Variants in AIM2 observed in about 807,000 individuals in gnomAD.
AIM2 encodes the protein interferon-inducible protein AIM2.
Under a neutral mutation model 27.7 loss-of-function variants are expected in AIM2, and 30 were observed. The observed-to-expected ratio is 1.08, with a 90% CI of 0.81 to 1.47. AIM2 has a LOEUF of 1.47. Among genes scored for constraint, AIM2 ranks in the 40% most tolerant of loss-of-function variants. The pLI is 0.00. For missense variants in AIM2, 358 were observed against 411.3 expected, an observed-to-expected ratio of 0.87 and a Z score of 1.12; for synonymous variants, 141 against 145.3, an observed-to-expected ratio of 0.97 and a Z score of 0.21.
At position 159,062,643 on chromosome 1, in the gene AIM2, A is replaced by G. The variant is rs1247428511; in HGVS notation, c.*49T>C. 12 of 1,585,892 alleles carry G rather than the reference A, an allele frequency of 7.6e-6. No homozygotes were observed. The highest frequency in any genetic ancestry group is 9.5e-6 in the Non-Finnish European group (11 of 1,157,166). On this transcript the variant is annotated 3_prime_UTR_variant, in exon 6 of 6. Coordinates refer to ENST00000368130, the MANE Select transcript of AIM2 (RefSeq NM_004833.3). ...AAGAGGCTGTATCACATATTCTTCAATTAAATGCTGCTTAGACCAGTTGGC... is the reference window on the plus strand; with the variant it reads ...AAGAGGCTGTATCACATATTCTTCAGTTAAATGCTGCTTAGACCAGTTGGC...
At chr1:159,075,451 T>C (rs1244094048) in intron 1 of AIM2, among the ~76,000 whole-genome samples, 1 of 151,416 alleles carries the variant, frequency 6.6e-6, no homozygotes, top group African/African-American at 2.4e-5. Flanking sequence ...CTCAATTTCT[T>C]TGTAGGAAAC....
At chr1:159,084,923 C>G (rs1468213477) in intron 1 of AIM2, among the ~76,000 whole-genome samples, 1 of 151,922 alleles carries the variant, frequency 6.6e-6, no homozygotes, top group Non-Finnish European at 1.5e-5. Context: ...TTTCCCACAC[C>G]TTCTCCCTCC....
chr1:159,062,023 C>T (rs2101957312), downstream of AIM2, among the ~76,000 whole-genome samples: 1 of 152,066 alleles, frequency 6.6e-6, no homozygotes, highest in Admixed American at 6.5e-5. Flanking sequence ...GGCTCAGATT[C>T]ATTTTTTTAA....
At chr1:159,062,831 T>G in intron 5 of AIM2, 113 bp from the exon 6 acceptor site, 6 of 1,035,928 alleles carry the variant, frequency 5.8e-6, no homozygotes, top group Non-Finnish European at 8.8e-6. Context: ...CATAAAATTA[T>G]TTTGTTCCCA....
chr1:159,107,496 C>T (rs539483513), intron 1 of AIM2, among the ~76,000 whole-genome samples: 1 of 152,196 alleles, frequency 6.6e-6, no homozygotes, highest in Non-Finnish European at 1.5e-5. Flanking sequence ...GTTGATTATG[C>T]AGCCACCTTG....
intron 1 of AIM2, among the ~76,000 whole-genome samples, chr1:159,105,947 AC>A (rs1423601086): frequency 6.6e-6 from 1 of 151,922 alleles, no homozygotes; most frequent in Non-Finnish European, 1.5e-5. Flanking sequence ...CTGAGGACCC[AC>A]CCCTTTCTGC....
chr1:159,083,600 T>C lies in AIM2; in HGVS notation c.-15-17271A>G, dbSNP rs373140467. On this transcript the variant is annotated intron_variant, in intron 1 of 2. Transcript: ENST00000368129. ...TTCTAAGGATTTATATTCTATACCA[T>C]TTAGCTCTACTAAATTTTAGCTCTA... Among the ~76,000 whole-genome samples the C allele has an allele frequency of 2.6e-5, 4 of 152,324 alleles. No homozygotes were observed. The East Asian group carries it at 5.8e-4, about 22-fold the overall frequency.
the AIM2 span, among the ~76,000 whole-genome samples, chr1:159,055,675 G>A: frequency 1.3e-5 from 2 of 152,212 alleles, no homozygotes; most frequent in African/African-American, 4.8e-5. Context: ...CCTAGGAAGA[G>A]CTGCATTAGG....
chr1:159,061,868 G>T (rs1389376112), downstream of AIM2, among the ~76,000 whole-genome samples: 3 of 152,084 alleles, frequency 2.0e-5, no homozygotes, highest in African/African-American at 7.2e-5. Context: ...TGCTTTTGGT[G>T]TGATATCTAA....
At position 159,073,582 on chromosome 1, in the gene AIM2, G is replaced by A. The variant is rs1656467875; in HGVS notation, c.-20-63C>T. ...AAAGTGATTCTACATTCAAAATAAAGCAAGGTGAGCTATTAATATTTTTTA... is the reference window on the plus strand; with the variant it reads ...AAAGTGATTCTACATTCAAAATAAAACAAGGTGAGCTATTAATATTTTTTA... On this transcript the variant is annotated intron_variant, in intron 1 of 5. Transcript: ENST00000368130. 1.3e-5 allele frequency: 19 copies of A among 1,429,114 alleles called. No individual in the cohort carries two copies. In the South Asian group the frequency reaches 2.5e-4, roughly 19 times the overall value. The allele number at this position is 1,429,114 out of a possible 1,614,324, so 88.5% of individuals were successfully genotyped here.
intron 1 of AIM2, among the ~76,000 whole-genome samples, chr1:159,139,250 A>G (rs1648067529): frequency 6.6e-6 from 1 of 152,212 alleles, no homozygotes; most frequent in Non-Finnish European, 1.5e-5. Context: ...TGCTCTCTGA[A>G]GGATCCTGCC....
At chr1:159,086,973 T>C (rs1006279771) in intron 1 of AIM2, among the ~76,000 whole-genome samples, 5 of 152,220 alleles carry the variant, frequency 3.3e-5, no homozygotes, top group Non-Finnish European at 7.3e-5. Flanking sequence ...ACTGAATCTG[T>C]ATAAAATAAT....
intron 1 of AIM2, among the ~76,000 whole-genome samples, chr1:159,113,347 A>C (rs912848310): frequency 1.7e-4 from 26 of 152,216 alleles, no homozygotes; most frequent in African/African-American, 5.8e-4. Flanking sequence ...GCCAGAAATC[A>C]AAAGACCTCT....
At chr1:159,098,097 C>G (rs908659430) in intron 1 of AIM2, among the ~76,000 whole-genome samples, 3 of 152,172 alleles carry the variant, frequency 2.0e-5, no homozygotes, top group Non-Finnish European at 4.4e-5. Flanking sequence ...TTCACATACC[C>G]AATAATGATC....
chr1:159,121,289 G>A (rs1157570981), intron 1 of AIM2, among the ~76,000 whole-genome samples: 1 of 152,182 alleles, frequency 6.6e-6, no homozygotes, highest in Non-Finnish European at 1.5e-5. Context: ...AGTAACTGTA[G>A]AGTAATTCTT....
intron 1 of AIM2, among the ~76,000 whole-genome samples, chr1:159,109,858 C>T (rs1459486410): frequency 1.3e-5 from 2 of 152,100 alleles, no homozygotes; most frequent in Admixed American, 1.3e-4. Flanking sequence ...CACAATGTGA[C>T]ATCACCTTAC....
At chr1:159,057,169 C>T in the AIM2 span, among the ~76,000 whole-genome samples, 120 of 152,268 alleles carry the variant, frequency 7.9e-4, no homozygotes, top group African/African-American at 2.7e-3. Context: ...GGTGGTAAAG[C>T]GGCTTGTACC....
At chr1:159,109,651 C>A (rs570018546) in intron 1 of AIM2, among the ~76,000 whole-genome samples, 2 of 152,228 alleles carry the variant, frequency 1.3e-5, no homozygotes, top group South Asian at 4.1e-4. Flanking sequence ...ACAATCTTTA[C>A]AATCTATACA....
At chr1:159,113,651 T>C (rs982135886) in intron 1 of AIM2, among the ~76,000 whole-genome samples, 5 of 152,228 alleles carry the variant, frequency 3.3e-5, no homozygotes, top group African/African-American at 1.2e-4. Flanking sequence ...TATTTCCTCC[T>C]AATTTTCTGA....
Sources: gnomAD v4.1 joint callset for allele counts (sites outside exome capture counted in the v4.1 genomes callset) on GRCh38, gnomAD v4.1.1 for gene constraint, MANE v1.5 for transcripts, NCBI Gene and HGNC (gene_info 2026-07-23, HGNC 2026-07-21) for gene names.